The following HRC variants were observed in gnomAD, a reference collection of about 807,000 sequenced individuals.
The protein encoded by HRC is histidine rich calcium binding protein.
A neutral mutation model predicts 61.4 loss-of-function variants in HRC; 41 were observed. The ratio of observed to expected loss-of-function variants is 0.67; its 90% CI spans 0.52 to 0.87. The LOEUF (loss-of-function observed/expected upper bound fraction) is 0.87, where lower values mean the gene tolerates loss of function less well. Among genes scored for constraint, HRC ranks in the 40% least tolerant of loss-of-function variants. HRC has a pLI of 0.00. For synonymous variants in HRC, 308 were observed against 326.6 expected (o/e 0.94, Z 0.62); for missense variants, 839 against 885.8 (o/e 0.95, Z 0.67).
intron 4 of HRC, 71 bp downstream of exon 4, chr19:49,151,904 GCCCCACCAGCCTACCGGGCCAGGCTCCGC>G: frequency 1.6e-6 from 2 of 1,215,212 alleles, no homozygotes; most frequent in Admixed American, 3.8e-5. Context: ...TCTTAGCCCC[GCCCCACCAGCCTACCGGGCCAGGCTCCGC>G]CCCCACCAGG....
intron 4 of HRC, 78 bp from the exon 5 acceptor site, chr19:49,151,631 G>T (rs1285425204): frequency 7.9e-7 from 1 of 1,261,720 alleles, no homozygotes; most frequent in Non-Finnish European, 1.2e-6. Flanking sequence ...TAGCGTGCGA[G>T]ATTAGTGCTA....
Position 49,155,300 on chromosome 19 carries a change from C to A in HRC, c.-63G>T. ...CGGCAATGTGGACAAACGTTGGGGT[C>A]TTTGTCCCTTTGGGGTTGGTCTCTT... On this transcript the variant is annotated 5_prime_UTR_variant, in exon 1 of 6. Transcript: ENST00000252825. The surrounding 1 kb of genome is among the most constrained non-coding windows in gnomAD (Gnocchi z 4.7). 6.6e-7 allele frequency: 1 copy of A among 1,505,598 alleles called. No individual in the cohort carries two copies. The highest frequency in any genetic ancestry group is 8.8e-7 in the Non-Finnish European group (1 of 1,139,136). 93.3% of individuals were successfully genotyped at this position (1,505,598 alleles called of 1,614,324 possible). A position where few individuals can be genotyped will look rare whatever the true frequency, so the allele number is the denominator to read the frequency against.
chr19:49,151,317 C>T lies in HRC; in HGVS notation c.2079G>A (p.Met693Ile). 6.4e-7 allele frequency: 1 copy of T among 1,558,298 alleles called. No individual in the cohort carries two copies. The highest frequency in any genetic ancestry group is 1.2e-5 in the South Asian group (1 of 84,844). ...TGGGTCAGGGTTCCGGCGTTTCCAGCATGTCTGCCAGGGCCCTGGAGACGA... is the reference window on the plus strand; with the variant it reads ...TGGGTCAGGGTTCCGGCGTTTCCAGTATGTCTGCCAGGGCCCTGGAGACGA... ...SSSLYQALADMLETPEP is the reference protein window; with the variant it reads ...SSSLYQALADILETPEP The change falls in exon 6 of 6, where the codon ATG becomes ATA. Residue 693 changes from methionine (M) to isoleucine (I), a missense_variant. Met to Ile is a conservative substitution (Grantham distance 10). Coordinates refer to ENST00000252825, the MANE Select transcript of HRC (RefSeq NM_002152.3).
In HRC at chr19:49,153,957, A is replaced by T. The variant is rs1379068138; in HGVS notation, c.1281T>A (p.Asp427Glu). 6.2e-7 allele frequency: 1 copy of T among 1,613,596 alleles called. No individual in the cohort carries two copies. The highest frequency in any genetic ancestry group is 1.3e-5 in the African/African-American group (1 of 74,834). ...HHHHRVPREE[D>E]EEVSAELGHQ... is the part of the protein sequence containing the mutation. ...GGCCAAGCTCAGCAGAGACCTCCTC[A>T]TCTTCCTCCCTGGGGACTCTGTGGT... is the stretch of plus-strand genomic sequence containing the variant. The change falls in exon 1 of 6, where the codon GAT becomes GAA. Residue 427 changes from aspartate to glutamate, a missense_variant. Coordinates refer to ENST00000252825, the MANE Select transcript of HRC (RefSeq NM_002152.3). This position sits in a 1 kb window ranked among gnomAD's most constrained non-coding sequence, Gnocchi z 4.8.
At position 49,154,048 on chromosome 19, in the gene HRC, C is replaced by T. The variant is rs768819290; in HGVS notation, c.1190G>A (p.Arg397Gln). Residue 397 changes from arginine (R) to glutamine (Q), a missense_variant, in exon 1 of 6, where the codon CGA (arginine) becomes CAA (glutamine). Coordinates refer to ENST00000252825, the MANE Select transcript of HRC (RefSeq NM_002152.3). ...FGHYVASHQP[R>Q]GHKSDEEDFQ... ...GTCCTCTTCATCACTCTTGTGGCCT[C>T]GAGGTTGGTGGCTTGCAACATAGTG... 3.7e-6 allele frequency: 6 copies of T among 1,614,146 alleles called. No homozygotes were observed. The highest frequency in any genetic ancestry group is 1.7e-5 in the Admixed American group (1 of 60,020).
In HRC at chr19:49,154,499, C is replaced by T. The variant is rs772058121; in HGVS notation, c.739G>A (p.Asp247Asn). 2.2e-5 allele frequency: 35 copies of T among 1,590,710 alleles called. No individual in the cohort carries two copies. The highest frequency in any genetic ancestry group is 6.7e-5 in the South Asian group (6 of 89,254). Residue 247 changes from aspartate to asparagine, a missense_variant, in exon 1 of 6, where the codon GAC (aspartate) becomes AAC (asparagine). Coordinates refer to ENST00000252825, the MANE Select transcript of HRC (RefSeq NM_002152.3). ...SHRHQGHEEDDDDDDDDDDDD... is the reference protein window; with the variant it reads ...SHRHQGHEEDNDDDDDDDDDD... ...TCATCATCATCATCATCATCATCGT[C>T]ATCTTCTTCATGGCCTTGGTGCCTG... is the stretch of plus-strand genomic sequence containing the variant.
At chr19:49,151,644 T>G in intron 4 of HRC, 91 bp from the exon 5 acceptor site, 3 of 1,118,384 alleles carry the variant, frequency 2.7e-6, no homozygotes, top group Non-Finnish European at 4.0e-6. Context: ...TAGTGCTAGC[T>G]CCACCTCCTT....
Position 49,154,158 on chromosome 19 carries a change from T to C in HRC, c.1080A>G (p.Glu360=). Residue 360 remains glutamate, a synonymous_variant, in exon 1 of 6, where the codon GAA becomes GAG. Transcript: ENST00000252825. ...DEEEDEDVST[E]RWHQGPQHVH... ...CATGTTGGGGACCCTGGTGCCAACGTTCAGTGGACACATCCTCATCTTCTT... is the reference window on the plus strand; with the variant it reads ...CATGTTGGGGACCCTGGTGCCAACGCTCAGTGGACACATCCTCATCTTCTT... The C allele has an allele frequency of 6.2e-7, 1 of 1,614,130 alleles. No homozygotes were observed. Among genetic ancestry groups the C allele is most frequent in the South Asian group, 1.1e-5 (1 of 91,064 alleles).
chr19:49,154,793 T>A lies in HRC; in HGVS notation c.445A>T (p.Arg149Trp), dbSNP rs766087080. The change falls in exon 1 of 6, where the codon AGG (arginine) becomes TGG (tryptophan). Residue 149 changes from arginine to tryptophan, a missense_variant. Arg to Trp is a moderately radical substitution (Grantham distance 101). Transcript: ENST00000252825. ...SEDTEDSAEH[R>W]HHLPSHRSHS... ...CTCCTGTGGCTGGGGAGGTGGTGCC[T>A]GTGCTCAGCTGAGTCTTCCGTGTCT... The A allele has an allele frequency of 5.0e-6, 8 of 1,613,664 alleles. No homozygotes were observed. Among genetic ancestry groups the A allele is most frequent in the Non-Finnish European group, 6.8e-6 (8 of 1,179,948 alleles).
Position 49,151,294 on chromosome 19 carries a change from G to A in HRC, c.*2C>T, listed in dbSNP as rs780240968. 40 of 1,555,562 alleles carry A rather than the reference G, an allele frequency of 2.6e-5. No homozygotes were observed. Among genetic ancestry groups the A allele is most frequent in the Admixed American group, 5.8e-5 (3 of 51,306 alleles). On this transcript the variant is annotated 3_prime_UTR_variant, in exon 6 of 6. Transcript: ENST00000252825. Reference sequence around the variant, plus strand: ...CACCTGCGTCGCAGTCGAGCGACTGGGTCAGGGTTCCGGCGTTTCCAGCAT... The same window carrying A: ...CACCTGCGTCGCAGTCGAGCGACTGAGTCAGGGTTCCGGCGTTTCCAGCAT...
rs1330649442 is a variant in HRC at position 49,153,367 on chromosome 19, A to C, written c.1832-36T>G. ...AGGAGGGCAGCAGTGACCCAGGCTG[A>C]CTCGGTTCCTTCCCACCCACACCAG... On this transcript the variant is annotated intron_variant, in intron 1 of 5. Coordinates refer to ENST00000252825, the MANE Select transcript of HRC (RefSeq NM_002152.3). The surrounding 1 kb of genome is among the most constrained non-coding windows in gnomAD (Gnocchi z 4.8). 1 of 1,611,998 alleles carries C rather than the reference A, an allele frequency of 6.2e-7. No individual in the cohort carries two copies. The highest frequency in any genetic ancestry group is 1.7e-5 in the Admixed American group (1 of 59,996).
intron 2 of HRC, among the ~76,000 whole-genome samples, chr19:49,153,000 C>T (rs1322173694): frequency 1.3e-5 from 2 of 152,214 alleles, no homozygotes; most frequent in African/African-American, 4.8e-5. Flanking sequence ...CTCCTTCCCC[C>T]GACTCTCTTT....
Position 49,151,565 on chromosome 19 carries a change from CAGAGA to C in HRC, c.2027-17_2027-13del. The C allele has an allele frequency of 6.2e-7, 1 of 1,613,288 alleles. No homozygotes were observed. The highest frequency in any genetic ancestry group is 8.5e-7 in the Non-Finnish European group (1 of 1,179,906). On this transcript the variant is annotated splice_polypyrimidine_tract_variant and intron_variant, in intron 4 of 5. Transcript: ENST00000252825. ...GTCAACGTAGCTTCCTGTGGGACAG[CAGAGA>C]AAAGAGGCTTGAGGGGTACTGCACG...
rs2041388447 is a variant in HRC at position 49,154,041 on chromosome 19, G to C, written c.1197C>G (p.His399Gln). 1.2e-6 allele frequency: 2 copies of C among 1,614,002 alleles called. No homozygotes were observed. The change falls in exon 1 of 6, where the codon CAC (histidine) becomes CAG (glutamine). Residue 399 changes from histidine (H) to glutamine (Q), a missense_variant. Coordinates refer to ENST00000252825, the MANE Select transcript of HRC (RefSeq NM_002152.3). Reference protein sequence around the residue: ...HYVASHQPRGHKSDEEDFQDE... With the variant: ...HYVASHQPRGQKSDEEDFQDE... Reference sequence around the variant, plus strand: ...CTTGGAAGTCCTCTTCATCACTCTTGTGGCCTCGAGGTTGGTGGCTTGCAA... The same window carrying C: ...CTTGGAAGTCCTCTTCATCACTCTTCTGGCCTCGAGGTTGGTGGCTTGCAA...
chr19:49,151,904 GC>G (rs2054573042), intron 4 of HRC, 99 bp downstream of exon 4: 3 of 1,215,260 alleles, frequency 2.5e-6, no homozygotes, highest in South Asian at 1.3e-5. Flanking sequence ...TCTTAGCCCC[GC>G]CCCACCAGCC....
chr19:49,154,110 C>G lies in HRC; in HGVS notation c.1128G>C (p.Glu376Asp). Reference sequence around the variant, plus strand: ...CTGTGATCTCCTCTTCTTCCTCTTCCTCATCTACAAGGCCATGGTGGACAT... The same window carrying G: ...CTGTGATCTCCTCTTCTTCCTCTTCGTCATCTACAAGGCCATGGTGGACAT... ...PQHVHHGLVDEEEEEEEITVQ... is the reference protein window; with the variant it reads ...PQHVHHGLVDDEEEEEEITVQ... The change falls in exon 1 of 6, where the codon GAG becomes GAC. Residue 376 changes from glutamate (E) to aspartate (D), a missense_variant. Coordinates refer to ENST00000252825, the MANE Select transcript of HRC (RefSeq NM_002152.3). 1 of 1,614,188 alleles carries G rather than the reference C, an allele frequency of 6.2e-7. No individual in the cohort carries two copies.
chr19:49,151,260 G>A lies in HRC; in HGVS notation c.*36C>T, dbSNP rs1444010943. On this transcript the variant is annotated 3_prime_UTR_variant, in exon 6 of 6. Coordinates refer to ENST00000252825, the MANE Select transcript of HRC (RefSeq NM_002152.3). ...CTCGTGGAAAGGGGTTGGAAGGCAG[G>A]GGGAGGTACACCTGCGTCGCAGTCG... is the stretch of plus-strand genomic sequence containing the variant. The A allele has an allele frequency of 6.6e-7, 1 of 1,520,438 alleles. No individual in the cohort carries two copies. The highest frequency in any genetic ancestry group is 8.9e-7 in the Non-Finnish European group (1 of 1,126,144). The allele number at this position is 1,520,438 out of a possible 1,614,324, so 94.2% of individuals were successfully genotyped here. A position where few individuals can be genotyped will look rare whatever the true frequency, so the allele number is the denominator to read the frequency against.
At position 49,153,766 on chromosome 19, in the gene HRC, TC is replaced by T; in HGVS notation, c.1471del (p.Asp491ThrfsTer40). On this transcript the variant is annotated frameshift_variant, in exon 1 of 6. Transcript: ENST00000252825. LOFTEE classifies it high-confidence loss of function. The surrounding 1 kb of genome is among the most constrained non-coding windows in gnomAD (Gnocchi z 4.8). Reference sequence around the variant, plus strand: ...ATCGTCTTCCTCATGGGAGCCGGGGTCCTCTTCCTTCTCCTTTTCCTCCTCA... The same window carrying T: ...ATCGTCTTCCTCATGGGAGCCGGGGTCTCTTCCTTCTCCTTTTCCTCCTCA... ...DSEEEKEKEE[D>X]PGSHEEDDES... 1 of 1,613,998 alleles carries T rather than the reference TC, an allele frequency of 6.2e-7. No individual in the cohort carries two copies. Among genetic ancestry groups the T allele is most frequent in the South Asian group, 1.1e-5 (1 of 91,062 alleles).
Position 49,155,169 on chromosome 19 carries a change from G to C in HRC, c.69C>G (p.Pro23=), listed in dbSNP as rs780932995. 11 of 1,613,510 alleles carry C rather than the reference G, an allele frequency of 6.8e-6. No homozygotes were observed. The highest frequency in any genetic ancestry group is 1.7e-5 in the Admixed American group (1 of 60,006). ...CTCTGAGCTGCTGGGTCATGGCCGG[G>C]GGGAGGAGCAGGCTGGCCACCCCAG... The part of the protein sequence containing the change: ...LWAGVASLLL[P]PAMTQQLRGD... Residue 23 remains proline (P), a synonymous_variant, in exon 1 of 6, where the codon CCC becomes CCG. Transcript: ENST00000252825. This position sits in a 1 kb window ranked among gnomAD's most constrained non-coding sequence, Gnocchi z 4.7.
Sources: allele counts gnomAD v4.1 joint callset (sites outside exome capture counted in the v4.1 genomes callset), GRCh38; gene constraint gnomAD v4.1.1; non-coding constraint Gnocchi (gnomAD v3.1); transcripts MANE v1.5; gene names NCBI Gene and HGNC (gene_info 2026-07-23, HGNC 2026-07-21).